SSH1: variants seen among roughly 807,000 people sequenced by gnomAD.
SSH1 encodes the protein protein phosphatase Slingshot homolog 1.
SSH1 carries 43 observed loss-of-function variants against 79.7 expected under a neutral mutation model. That is an observed-to-expected ratio of 0.54 (90% CI 0.42 to 0.70). The LOEUF (loss-of-function observed/expected upper bound fraction) is 0.70, where lower values mean the gene tolerates loss of function less well. Among genes scored for constraint, SSH1 ranks in the 30% least tolerant of loss-of-function variants. The probability of loss-of-function intolerance (pLI) is 0.00; values close to 1 mark genes in which losing one functional copy is unlikely to be tolerated. For synonymous variants in SSH1, 599 were observed against 538.3 expected, an observed-to-expected ratio of 1.11 and a Z score of -1.56; for missense variants, 1,206 against 1,358.8, an observed-to-expected ratio of 0.89 and a Z score of 1.77.
Position 108,792,560 on chromosome 12 carries a change from A to T in SSH1, c.1619T>A (p.Leu540Gln), listed in dbSNP as rs764277230. Residue 540 changes from leucine (L) to glutamine (Q), a missense_variant, in exon 14 of 15, where the codon CTG becomes CAG. Physicochemically the swap from Leu to Gln is moderately radical, Grantham distance 113. Transcript: ENST00000326495. ...TGCAGGTGGAGCAGCTTCCTCCAAC[A>T]GAGCCTCCCTCTCCGGATCCTCCAG... ...VHLEDPEREA[L>Q]LEEAAPPAEV... The T allele has an allele frequency of 6.2e-7, 1 of 1,614,034 alleles. No individual in the cohort carries two copies. The highest frequency in any genetic ancestry group is 8.5e-7 in the Non-Finnish European group (1 of 1,179,954).
intron 10 of SSH1, among the ~76,000 whole-genome samples, chr12:108,804,796 T>G (rs553475542): frequency 3.3e-5 from 5 of 152,164 alleles, no homozygotes; most frequent in African/African-American, 1.2e-4. Flanking sequence ...CACATGCCAG[T>G]TGACTACGCC....
intron 1 of SSH1, among the ~76,000 whole-genome samples, chr12:108,853,749 C>T (rs551419429): frequency 2.6e-5 from 4 of 152,186 alleles, no homozygotes; most frequent in African/African-American, 7.2e-5. Context: ...CAAGGTGACA[C>T]GCTGTCTCTA....
intron 2 of SSH1, among the ~76,000 whole-genome samples, chr12:108,847,577 C>T (rs2038926415): frequency 6.6e-6 from 1 of 152,160 alleles, no homozygotes; most frequent in South Asian, 2.1e-4. Context: ...CCTGCCTCAG[C>T]CTCCCGAGTA....
At chr12:108,812,151 C>T (rs1478824678) in intron 5 of SSH1, among the ~76,000 whole-genome samples, 1 of 152,226 alleles carries the variant, frequency 6.6e-6, no homozygotes, top group East Asian at 1.9e-4. Context: ...AAGGTTGTTC[C>T]AAGCCCTTCC....
At chr12:108,830,443 G>A (rs1261036138) in intron 2 of SSH1, among the ~76,000 whole-genome samples, 1 of 152,182 alleles carries the variant, frequency 6.6e-6, no homozygotes, top group African/African-American at 2.4e-5. Flanking sequence ...CAGCCTGGAT[G>A]AGAGTGAGAC....
rs149940348 is a variant in SSH1 at position 108,782,369 on chromosome 12, G to C, written c.*5619C>G. 2 of 151,836 alleles carry C rather than the reference G, an allele frequency of 1.3e-5. No individual in the cohort carries two copies. The highest frequency in any genetic ancestry group is 2.9e-5 in the Non-Finnish European group (2 of 67,972). 9.4% of individuals were successfully genotyped at this position (151,836 alleles called of 1,614,324 possible). A position where few individuals can be genotyped will look rare whatever the true frequency, so the allele number is the denominator to read the frequency against. ...CTGGCTTTACATTTCCTACTTGTAC[G>C]GGAAGAGAACCCACCCAAAGTCCAA... On this transcript the variant is annotated 3_prime_UTR_variant, in exon 15 of 15. Transcript: ENST00000326495.
intron 2 of SSH1, among the ~76,000 whole-genome samples, chr12:108,823,723 A>G (rs1013179180): frequency 2.6e-5 from 4 of 151,940 alleles, no homozygotes; most frequent in African/African-American, 9.7e-5. Flanking sequence ...GCTGGAGTAC[A>G]GTGGTGTGAT....
At chr12:108,819,853 T>C (rs1377428758) in intron 3 of SSH1, among the ~76,000 whole-genome samples, 2 of 152,128 alleles carry the variant, frequency 1.3e-5, no homozygotes, top group Non-Finnish European at 2.9e-5. Context: ...AAAGGATCAA[T>C]AATGCTTACA....
rs193269037 is a variant in SSH1 at position 108,843,683 on chromosome 12, C to T, written c.110+8955G>A. On this transcript the variant is annotated intron_variant, in intron 2 of 14. Coordinates refer to ENST00000326495, the MANE Select transcript of SSH1 (RefSeq NM_018984.4). ...CCAAGTAGCTGGGATTACAGGCACG[C>T]GCCACCATACTCGGCTAATTTTTGT... 2.4e-3 allele frequency among the ~76,000 whole-genome samples: 368 copies of T among 152,152 alleles called. 1 individual carries two copies. Among genetic ancestry groups the T allele is most frequent in the Middle Eastern group, 6.8e-3 (2 of 294 alleles).
At chr12:108,797,951 T>TA (rs2036824031) in intron 13 of SSH1, among the ~76,000 whole-genome samples, 1 of 152,216 alleles carries the variant, frequency 6.6e-6, no homozygotes, top group African/African-American at 2.4e-5. Flanking sequence ...CCCACTGAGC[T>TA]GGTAACACAC....
intron 1 of SSH1, among the ~76,000 whole-genome samples, chr12:108,854,016 C>G (rs908851309): frequency 1.3e-5 from 2 of 152,042 alleles, no homozygotes; most frequent in Admixed American, 1.3e-4. Context: ...GCACCTACCC[C>G]ACACTGAAGG....
At chr12:108,828,413 C>G (rs1039892978) in intron 2 of SSH1, among the ~76,000 whole-genome samples, 7 of 152,188 alleles carry the variant, frequency 4.6e-5, no homozygotes, top group Non-Finnish European at 1.0e-4. Flanking sequence ...TGTTAAGCAG[C>G]TGTTCTACTC....
At chr12:108,829,835 C>T (rs2038430016) in intron 2 of SSH1, among the ~76,000 whole-genome samples, 1 of 152,282 alleles carries the variant, frequency 6.6e-6, no homozygotes, top group South Asian at 2.1e-4. Context: ...GGCATGGTAG[C>T]TCATGCCTGT....
At chr12:108,837,353 G>C (rs555346553) in intron 2 of SSH1, among the ~76,000 whole-genome samples, 3 of 152,336 alleles carry the variant, frequency 2.0e-5, no homozygotes, top group Middle Eastern at 3.4e-3. Flanking sequence ...TCCTGAATTG[G>C]ATCTTTTGTT....
chr12:108,816,959 T>C, intron 5 of SSH1, 79 bp downstream of exon 5: 1 of 1,595,410 alleles, frequency 6.3e-7, no homozygotes, highest in South Asian at 1.1e-5. Context: ...CTCTGATGGA[T>C]ATGGGACCAT....
rs200281754 is a variant in SSH1 at position 108,838,307 on chromosome 12, G to A, written c.110+14331C>T. 1.9e-4 allele frequency among the ~76,000 whole-genome samples: 29 copies of A among 152,294 alleles called. No individual in the cohort carries two copies. In the East Asian group the frequency reaches 4.2e-3, roughly 22 times the overall value. On this transcript the variant is annotated intron_variant, in intron 2 of 14. Transcript: ENST00000326495. ...CTGTTTGCCCTCTTCGTGTTTTCCAGAACAGAAGTGGCCCTGTTTCGTGCC... is the reference window on the plus strand; with the variant it reads ...CTGTTTGCCCTCTTCGTGTTTTCCAAAACAGAAGTGGCCCTGTTTCGTGCC...
At chr12:108,797,135 TTTTC>T (rs2036785175) in intron 13 of SSH1, among the ~76,000 whole-genome samples, 1 of 152,150 alleles carries the variant, frequency 6.6e-6, no homozygotes, top group South Asian at 2.1e-4. Context: ...TGTTTGTTTG[TTTTC>T]TTTTTCAGAC....
At position 108,797,283 on chromosome 12, in the gene SSH1, C is replaced by T. The variant is rs115867142; in HGVS notation, c.1349+1717G>A. Among the ~76,000 whole-genome samples the T allele has an allele frequency of 5.6e-3, 845 of 152,004 alleles. 7 individuals are homozygous for T. Among genetic ancestry groups the T allele is most frequent in the Non-Finnish European group, 7.7e-3 (524 of 67,942 alleles). On this transcript the variant is annotated intron_variant, in intron 13 of 14. Transcript: ENST00000326495. ...CTAGGACCACTGGTGCACGCCACCACGCTGGGCTTTTTTTTTTTGTACTTC... is the reference window on the plus strand; with the variant it reads ...CTAGGACCACTGGTGCACGCCACCATGCTGGGCTTTTTTTTTTTGTACTTC...
chr12:108,807,520 G>T lies in SSH1; in HGVS notation c.731+113C>A. The stretch of plus-strand genomic sequence containing the variant: ...AGAAAGCTAGGGTTCTCACTCAAGG[G>T]ACTCCAGGGGAGGTGTGGCCCAATG... On this transcript the variant is annotated intron_variant, in intron 8 of 14. Coordinates refer to ENST00000326495, the MANE Select transcript of SSH1 (RefSeq NM_018984.4). The surrounding 1 kb of genome is among the most constrained non-coding windows in gnomAD (Gnocchi z 5.2). The T allele has an allele frequency of 1.0e-6, 1 of 973,020 alleles. No individual in the cohort carries two copies. Among genetic ancestry groups the T allele is most frequent in the African/African-American group, 1.6e-5 (1 of 62,412 alleles). 60.3% of individuals were successfully genotyped at this position (973,020 alleles called of 1,614,324 possible). A position where few individuals can be genotyped will look rare whatever the true frequency, so the allele number is the denominator to read the frequency against.
Sources: gnomAD v4.1 joint callset for allele counts (sites outside exome capture counted in the v4.1 genomes callset) on GRCh38, gnomAD v4.1.1 for gene constraint, Gnocchi (gnomAD v3.1) non-coding constraint, MANE v1.5 for transcripts, NCBI Gene and HGNC (gene_info 2026-07-23, HGNC 2026-07-21) for gene names.